Variants in PARD3 observed in about 807,000 individuals in gnomAD.
The protein encoded by PARD3 is partitioning defective 3 homolog.
Under a neutral mutation model 155.4 loss-of-function variants are expected in PARD3, and 75 were observed. That is an observed-to-expected ratio of 0.48 (90% CI 0.40 to 0.58). The LOEUF (loss-of-function observed/expected upper bound fraction) is 0.58, where lower values mean the gene tolerates loss of function less well. Among genes scored for constraint, PARD3 ranks in the 20% least tolerant of loss-of-function variants. The pLI is 0.00. For missense variants in PARD3, 1,642 were observed against 1,721.7 expected, an observed-to-expected ratio of 0.95 and a Z score of 0.82; for synonymous variants, 576 against 610.5, an observed-to-expected ratio of 0.94 and a Z score of 0.83.
intron 1 of PARD3, among the ~76,000 whole-genome samples, chr10:34,800,969 C>T (rs1046479768): frequency 6.6e-6 from 1 of 152,222 alleles, no homozygotes. Context: ...GGCCAAAACT[C>T]TTCTGCCTCG....
intron 1 of PARD3, among the ~76,000 whole-genome samples, chr10:34,721,515 G>A (rs2094605779): frequency 6.6e-6 from 1 of 152,342 alleles, no homozygotes; most frequent in South Asian, 2.1e-4. Flanking sequence ...GCAATACCCT[G>A]AGAGGGGCTC....
intron 1 of PARD3, among the ~76,000 whole-genome samples, chr10:34,778,502 C>T (rs767043243): frequency 4.6e-5 from 7 of 152,152 alleles, no homozygotes; most frequent in Non-Finnish European, 7.4e-5. Context: ...GAAAATGCAG[C>T]AACAATCAGG....
intron 1 of PARD3, among the ~76,000 whole-genome samples, chr10:34,728,120 T>G (rs2094751680): frequency 6.6e-6 from 1 of 151,524 alleles, no homozygotes; most frequent in South Asian, 2.1e-4. Context: ...GATGAATCTG[T>G]AGGCAAGAAA....
chr10:34,406,491 T>C (rs1589453796), intron 5 of PARD3, among the ~76,000 whole-genome samples: 1 of 152,188 alleles, frequency 6.6e-6, no homozygotes, highest in African/African-American at 2.4e-5. Flanking sequence ...AGTAAGTACA[T>C]CTCCATGAGA....
At chr10:34,146,473 C>G (rs547831296) in intron 22 of PARD3, among the ~76,000 whole-genome samples, 1 of 152,152 alleles carries the variant, frequency 6.6e-6, no homozygotes, top group African/African-American at 2.4e-5. Flanking sequence ...TTGTAATCTA[C>G]AAAGCTCCAA....
At chr10:34,542,080 C>T (rs1358710398) in intron 2 of PARD3, among the ~76,000 whole-genome samples, 1 of 152,090 alleles carries the variant, frequency 6.6e-6, no homozygotes, top group Non-Finnish European at 1.5e-5. Context: ...TCACAGGAAC[C>T]ACCCTATTCA....
At chr10:34,531,727 C>T (rs1486787851) in intron 2 of PARD3, among the ~76,000 whole-genome samples, 1 of 152,188 alleles carries the variant, frequency 6.6e-6, no homozygotes, top group Non-Finnish European at 1.5e-5. Context: ...TACATATCAA[C>T]TCTTTGTTCT....
rs574838910 is a variant in PARD3, at chr10:34,253,113, G to A, written c.3419+16544C>T. Among the ~76,000 whole-genome samples the A allele has an allele frequency of 2.0e-5, 3 of 152,284 alleles. No individual in the cohort carries two copies. In the South Asian group the frequency reaches 6.2e-4, roughly 32 times the overall value. On this transcript the variant is annotated intron_variant, in intron 22 of 24. Coordinates refer to ENST00000374788, the MANE Select transcript of PARD3 (RefSeq NM_001184785.2). ...GTGGGAGTAGGTTTTAGATTTGTCTGTTACAAAGAGAGACTAATGGAACTC... is the reference window on the plus strand; with the variant it reads ...GTGGGAGTAGGTTTTAGATTTGTCTATTACAAAGAGAGACTAATGGAACTC...
At chr10:34,610,762 ATGAT>A (rs1258125160) in intron 2 of PARD3, among the ~76,000 whole-genome samples, 6 of 152,214 alleles carry the variant, frequency 3.9e-5, no homozygotes, top group African/African-American at 1.4e-4. Context: ...TTGTGTATGT[ATGAT>A]TAACTAGTAG....
intron 22 of PARD3, among the ~76,000 whole-genome samples, chr10:34,201,272 T>C (rs565779818): frequency 6.6e-5 from 10 of 152,332 alleles, no homozygotes; most frequent in African/African-American, 2.4e-4. Flanking sequence ...CCGCACTCAA[T>C]GAATGCTGTT....
At chr10:34,726,651 C>A (rs537696851) in intron 1 of PARD3, among the ~76,000 whole-genome samples, 2 of 152,166 alleles carry the variant, frequency 1.3e-5, no homozygotes, top group East Asian at 3.9e-4. Context: ...GTCCCAGCTA[C>A]TCAGGAGGCT....
At chr10:34,771,435 G>A (rs1441222789) in intron 1 of PARD3, among the ~76,000 whole-genome samples, 2 of 152,224 alleles carry the variant, frequency 1.3e-5, no homozygotes, top group African/African-American at 4.8e-5. Context: ...GGAGCAAAGA[G>A]TGAAGGAAGG....
chr10:34,347,936 T>C (rs1422588181), intron 15 of PARD3, 29 bp downstream of exon 15: 2 of 1,580,672 alleles, frequency 1.3e-6, no homozygotes, highest in African/African-American at 1.3e-5. Flanking sequence ...CAAAATAAGA[T>C]GTGATAAACA....
intron 19 of PARD3, among the ~76,000 whole-genome samples, chr10:34,324,597 A>G (rs1958573418): frequency 6.6e-6 from 1 of 152,142 alleles, no homozygotes; most frequent in Non-Finnish European, 1.5e-5. Flanking sequence ...CAGTTGGGAG[A>G]CACTAGCAAT....
At chr10:34,730,715 A>G (rs1176257364) in intron 1 of PARD3, among the ~76,000 whole-genome samples, 1 of 152,222 alleles carries the variant, frequency 6.6e-6, no homozygotes, top group Non-Finnish European at 1.5e-5. Flanking sequence ...TGGGCACAGG[A>G]GTACAAGGCT....
At chr10:34,621,445 C>T (rs1302174242) in intron 2 of PARD3, among the ~76,000 whole-genome samples, 1 of 152,038 alleles carries the variant, frequency 6.6e-6, no homozygotes, top group South Asian at 2.1e-4. Flanking sequence ...GATCCACCCA[C>T]GCTCGGCCTC....
At position 34,232,111 on chromosome 10, in the gene PARD3, G is replaced by A. The variant is rs1349079994; in HGVS notation, c.3419+37546C>T. On this transcript the variant is annotated intron_variant, in intron 22 of 24. Coordinates refer to ENST00000374788, the MANE Select transcript of PARD3 (RefSeq NM_001184785.2). Reference sequence around the variant, plus strand: ...TCACTTTCCCAATCCTGGTTTGAGAGCAGAGTCAGAGGTTAATGCTGCTGA... The same window carrying A: ...TCACTTTCCCAATCCTGGTTTGAGAACAGAGTCAGAGGTTAATGCTGCTGA... 7.9e-5 allele frequency among the ~76,000 whole-genome samples: 12 copies of A among 152,090 alleles called. No homozygotes were observed. In the East Asian group the frequency reaches 2.3e-3, roughly 29 times the overall value.
At chr10:34,252,894 T>A (rs1252416573) in intron 22 of PARD3, among the ~76,000 whole-genome samples, 3 of 152,150 alleles carry the variant, frequency 2.0e-5, no homozygotes, top group Non-Finnish European at 4.4e-5. Context: ...CCTGCACTTT[T>A]AAAAATCAAC....
At chr10:34,347,921 A>G in intron 15 of PARD3, 44 bp downstream of exon 15, 3 of 1,533,330 alleles carry the variant, frequency 2.0e-6, no homozygotes, top group Non-Finnish European at 2.7e-6. Context: ...AACCAATGAA[A>G]GCATCAAAAT....
Sources: allele counts gnomAD v4.1 joint callset (sites outside exome capture counted in the v4.1 genomes callset), GRCh38; gene constraint gnomAD v4.1.1; transcripts MANE v1.5; gene names NCBI Gene and HGNC (gene_info 2026-07-23, HGNC 2026-07-21).